MYO5A: variants seen among roughly 807,000 people sequenced by gnomAD.
MYO5A encodes the protein unconventional myosin-Va.
MYO5A carries 98 observed loss-of-function variants against 249.7 expected under a neutral mutation model. The ratio of observed to expected loss-of-function variants is 0.39; its 90% CI spans 0.33 to 0.46. The LOEUF is 0.46. Ranked by LOEUF, MYO5A falls within the 20% of genes least tolerant of loss-of-function variation. The pLI, the probability that MYO5A is intolerant of heterozygous loss-of-function variation, is 0.98. For missense variants in MYO5A, 1,696 were observed against 2,308.8 expected (o/e 0.73, Z 5.44); for synonymous variants, 778 against 810.6 (o/e 0.96, Z 0.68).
At chr15:52,461,224 A>T (rs1238629383) in intron 1 of MYO5A, among the ~76,000 whole-genome samples, 3 of 152,160 alleles carry the variant, frequency 2.0e-5, no homozygotes, top group Non-Finnish European at 2.9e-5. Flanking sequence ...AAGTGCTGGG[A>T]TTATAGGTAT....
intron 1 of MYO5A, among the ~76,000 whole-genome samples, chr15:52,519,945 G>T (rs1385463475): frequency 2.0e-5 from 3 of 152,072 alleles, no homozygotes; most frequent in Non-Finnish European, 4.4e-5. Context: ...TAGCCAAGCT[G>T]GTCTCAAGCT....
chr15:52,460,514 C>T (rs929839288), intron 1 of MYO5A, among the ~76,000 whole-genome samples: 1 of 152,198 alleles, frequency 6.6e-6, no homozygotes, highest in Non-Finnish European at 1.5e-5. Flanking sequence ...GGTGTGGCGG[C>T]GCGCGCCTGC....
intron 41 of MYO5A, 67 bp from the exon 42 acceptor site, chr15:52,313,915 T>G (rs748614854): frequency 3.7e-5 from 58 of 1,566,194 alleles, no homozygotes; most frequent in Non-Finnish European, 4.9e-5. Flanking sequence ...TTTTTTCTAC[T>G]AAAATTTCTA....
At chr15:52,399,208 T>C (rs905814688) in intron 9 of MYO5A, among the ~76,000 whole-genome samples, 14 of 152,212 alleles carry the variant, frequency 9.2e-5, no homozygotes, top group African/African-American at 3.4e-4. Flanking sequence ...TTGTCTCTTC[T>C]TGAGGTTTCT....
At chr15:52,447,214 T>C (rs953836214) in intron 1 of MYO5A, among the ~76,000 whole-genome samples, 23 of 152,170 alleles carry the variant, frequency 1.5e-4, no homozygotes, top group Admixed American at 5.9e-4. Flanking sequence ...GGCTCCCTCA[T>C]GGCTTGGTGC....
chr15:52,476,854 T>A (rs1054849077), intron 1 of MYO5A, among the ~76,000 whole-genome samples: 1 of 152,216 alleles, frequency 6.6e-6, no homozygotes, highest in African/African-American at 2.4e-5. Context: ...CTTTGGTGAA[T>A]CTGACAATTA....
intron 1 of MYO5A, among the ~76,000 whole-genome samples, chr15:52,520,970 C>T (rs188424402): frequency 6.6e-6 from 1 of 152,212 alleles, no homozygotes; most frequent in Non-Finnish European, 1.5e-5. Flanking sequence ...TGGTTCACGC[C>T]AGTAATCTCA....
At chr15:52,429,700 A>C (rs2462850) in intron 2 of MYO5A, among the ~76,000 whole-genome samples, 1 of 151,738 alleles carries the variant, frequency 6.6e-6, no homozygotes, top group Non-Finnish European at 1.5e-5. Flanking sequence ...AAAAAAAACA[A>C]AAAAACAAAA....
In MYO5A at chr15:52,413,188, T is replaced by A. The variant is rs184751235; in HGVS notation, c.613-2712A>T. 6.6e-3 allele frequency among the ~76,000 whole-genome samples: 953 copies of A among 144,200 alleles called. 5 individuals are homozygous for A. Among genetic ancestry groups the A allele is most frequent in the Admixed American group, 0.015 (218 of 14,392 alleles). 94.6% of individuals were successfully genotyped at this position (144,200 alleles called of 152,430 possible). Reference sequence around the variant, plus strand: ...AAAAAAAATTAACATCCAGGCCTGGTAGAGTGGCTCACACCCATAATCCCA... The same window carrying A: ...AAAAAAAATTAACATCCAGGCCTGGAAGAGTGGCTCACACCCATAATCCCA... On this transcript the variant is annotated intron_variant, in intron 5 of 41. Coordinates refer to ENST00000399233, the MANE Select transcript of MYO5A (RefSeq NM_001382347.1).
intron 29 of MYO5A, chr15:52,346,752 G>A (rs779910948): frequency 4.6e-5 from 19 of 408,930 alleles, no homozygotes; most frequent in Non-Finnish European, 7.8e-5. Context: ...GGCCATATAT[G>A]TGTTTTACAT....
At position 52,528,864 on chromosome 15, in the gene MYO5A, G is replaced by T; in HGVS notation, c.-58C>A. On this transcript the variant is annotated 5_prime_UTR_variant, in exon 1 of 42. Transcript: ENST00000399233. ...TGCGGAGGCCGCACCTCGCCTGGGC[G>T]GCCGCCCGAGCGGACTAGGAAGCGC... The T allele has an allele frequency of 2.1e-6, 3 of 1,420,140 alleles. No homozygotes were observed. Among genetic ancestry groups the T allele is most frequent in the African/African-American group, 3.0e-5 (2 of 66,912 alleles). 88.0% of individuals were successfully genotyped at this position (1,420,140 alleles called of 1,614,324 possible). A position where few individuals can be genotyped will look rare whatever the true frequency, so the allele number is the denominator to read the frequency against.
chr15:52,420,149 G>GA (rs2043718745), intron 4 of MYO5A, among the ~76,000 whole-genome samples: 1 of 152,018 alleles, frequency 6.6e-6, no homozygotes, highest in East Asian at 1.9e-4. Context: ...CTACAAGAAA[G>GA]AAAAAATTAG....
At chr15:52,518,629 A>T (rs1026793414) in intron 1 of MYO5A, among the ~76,000 whole-genome samples, 1 of 152,228 alleles carries the variant, frequency 6.6e-6, no homozygotes, top group African/African-American at 2.4e-5. Context: ...TTGTTTAAGT[A>T]CTGGCAGAAA....
chr15:52,383,931 C>T (rs1014287652), intron 15 of MYO5A, among the ~76,000 whole-genome samples: 18 of 152,270 alleles, frequency 1.2e-4, no homozygotes, highest in South Asian at 8.3e-4. Flanking sequence ...ACGATATGCA[C>T]GAGAGAATTA....
chr15:52,468,936 C>T (rs563817522), intron 1 of MYO5A, among the ~76,000 whole-genome samples: 220 of 152,148 alleles, frequency 1.4e-3, no homozygotes, highest in African/African-American at 5.1e-3. Context: ...CTCATTTTTT[C>T]ATGAGTAAGT....
At chr15:52,460,128 T>C (rs1033814640) in intron 1 of MYO5A, among the ~76,000 whole-genome samples, 6 of 148,090 alleles carry the variant, frequency 4.1e-5, no homozygotes, top group Non-Finnish European at 7.4e-5. Flanking sequence ...CTAGACGGGA[T>C]GACGGCCGGG....
In MYO5A at chr15:52,439,111, C is replaced by A. The variant is rs545517876; in HGVS notation, c.28-5826G>T. On this transcript the variant is annotated intron_variant, in intron 1 of 41. Coordinates refer to ENST00000399233, the MANE Select transcript of MYO5A (RefSeq NM_001382347.1). ...CTTCTAATAGAGCTATAACACTCAC[C>A]GCATGGCCCAAGATTCCATTCCTTG... is the stretch of plus-strand genomic sequence containing the variant. 2.8e-3 allele frequency among the ~76,000 whole-genome samples: 431 copies of A among 152,274 alleles called. 1 individual carries two copies. The highest frequency in any genetic ancestry group is 4.6e-3 in the South Asian group (22 of 4,828).
intron 1 of MYO5A, among the ~76,000 whole-genome samples, chr15:52,450,007 A>T (rs943020879): frequency 1.3e-5 from 2 of 152,102 alleles, no homozygotes; most frequent in Admixed American, 6.5e-5. Flanking sequence ...GTCTCCAAAA[A>T]AAAAATTGAA....
At chr15:52,503,925 T>C (rs760824704) in intron 1 of MYO5A, among the ~76,000 whole-genome samples, 12 of 152,168 alleles carry the variant, frequency 7.9e-5, no homozygotes, top group African/African-American at 1.7e-4. Context: ...ATGATCGACA[T>C]TGCTTTACCA....
Sources: allele counts gnomAD v4.1 joint callset (sites outside exome capture counted in the v4.1 genomes callset), GRCh38; gene constraint gnomAD v4.1.1; transcripts MANE v1.5; gene names NCBI Gene and HGNC (gene_info 2026-07-23, HGNC 2026-07-21).